The following TRAPPC9 variants were observed in gnomAD, a reference collection of about 807,000 sequenced individuals.
TRAPPC9 encodes trafficking protein particle complex subunit 9, also known as IKK2 binding protein.
In TRAPPC9, 83 loss-of-function variants were observed where a neutral mutation model predicts 124.0. The ratio of observed to expected loss-of-function variants is 0.67; its 90% CI spans 0.56 to 0.80. The LOEUF is 0.80. Ranked by LOEUF, TRAPPC9 falls within the 30% of genes least tolerant of loss-of-function variation. The pLI is 0.00. For synonymous variants in TRAPPC9, 638 were observed against 617.5 expected (o/e 1.03, Z -0.49); for missense variants, 1,302 against 1,508.3 (o/e 0.86, Z 2.27).
chr8:140,202,136 G>A (rs1362165483), intron 17 of TRAPPC9, among the ~76,000 whole-genome samples: 1 of 150,104 alleles, frequency 6.7e-6, no homozygotes, highest in Non-Finnish European at 1.5e-5. Flanking sequence ...CGGTTGTTTG[G>A]TGAGATAAAA....
At chr8:140,070,251 T>C (rs1843091971) in intron 17 of TRAPPC9, among the ~76,000 whole-genome samples, 1 of 152,214 alleles carries the variant, frequency 6.6e-6, no homozygotes, top group African/African-American at 2.4e-5. Flanking sequence ...TTTCTACTTT[T>C]GAATTATTTT....
chr8:140,026,345 A>G lies in TRAPPC9; in HGVS notation c.2557-2266T>C, dbSNP rs115739083. Among the ~76,000 whole-genome samples the G allele has an allele frequency of 1.0e-3, 152 of 152,246 alleles. 1 individual carries two copies. Among genetic ancestry groups the G allele is most frequent in the African/African-American group, 3.1e-3 (128 of 41,548 alleles). On this transcript the variant is annotated intron_variant, in intron 17 of 22. Coordinates refer to ENST00000438773, the MANE Select transcript of TRAPPC9 (RefSeq NM_001160372.4). ...CCCTGCTTTCGGTTCTTTGGGGTAT[A>G]TGCCCGGAAGTGGAATTTCTGAATC... is the stretch of plus-strand genomic sequence containing the variant.
intron 9 of TRAPPC9, among the ~76,000 whole-genome samples, chr8:140,323,680 A>G (rs2066659446): frequency 6.6e-6 from 1 of 152,166 alleles, no homozygotes; most frequent in Non-Finnish European, 1.5e-5. Context: ...CAGAAAAAAC[A>G]CTTTGAGTGT....
At chr8:140,024,982 G>A (rs1840050891) in intron 17 of TRAPPC9, among the ~76,000 whole-genome samples, 1 of 152,322 alleles carries the variant, frequency 6.6e-6, no homozygotes, top group East Asian at 1.9e-4. Context: ...GCAGGGTGCT[G>A]CACAGTGGGG....
At chr8:140,067,014 T>G (rs534754514) in intron 17 of TRAPPC9, among the ~76,000 whole-genome samples, 2 of 152,340 alleles carry the variant, frequency 1.3e-5, no homozygotes, top group East Asian at 3.9e-4. Context: ...GAGTCTTGAA[T>G]AGGGTAAACG....
At chr8:140,112,926 C>T (rs925877998) in intron 17 of TRAPPC9, among the ~76,000 whole-genome samples, 3 of 151,604 alleles carry the variant, frequency 2.0e-5, no homozygotes, top group Non-Finnish European at 4.4e-5. Context: ...CTGCAACCTC[C>T]GCCTCCTGGT....
intron 17 of TRAPPC9, among the ~76,000 whole-genome samples, chr8:140,100,873 G>A (rs1385277409): frequency 1.3e-5 from 2 of 152,220 alleles, no homozygotes; most frequent in Admixed American, 6.5e-5. Flanking sequence ...GGGTGGGTTC[G>A]GAGGCGTCAG....
At chr8:140,290,704 C>T (rs1392999513) in intron 12 of TRAPPC9, among the ~76,000 whole-genome samples, 2 of 152,134 alleles carry the variant, frequency 1.3e-5, no homozygotes, top group African/African-American at 2.4e-5. Context: ...ACACATCTCA[C>T]GTAAGCTTCG....
intron 17 of TRAPPC9, among the ~76,000 whole-genome samples, chr8:140,039,050 G>GATCCC (rs1317718952): frequency 6.6e-6 from 1 of 152,218 alleles, no homozygotes; most frequent in African/African-American, 2.4e-5. Flanking sequence ...TGATCTACAA[G>GATCCC]ATCCCATCCG....
intron 5 of TRAPPC9, among the ~76,000 whole-genome samples, chr8:140,422,095 C>A (rs1054994574): frequency 6.6e-6 from 1 of 151,388 alleles, no homozygotes; most frequent in African/African-American, 2.4e-5. Context: ...AGGATAAATC[C>A]TGGGTGCAAA....
chr8:139,999,937 C>T (rs930181623), intron 18 of TRAPPC9, among the ~76,000 whole-genome samples: 10 of 152,114 alleles, frequency 6.6e-5, no homozygotes, highest in African/African-American at 2.4e-4. Flanking sequence ...AAATCCATAT[C>T]ATTAAGTGAT....
At chr8:140,225,290 G>A (rs1406082983) in intron 16 of TRAPPC9, among the ~76,000 whole-genome samples, 1 of 152,086 alleles carries the variant, frequency 6.6e-6, no homozygotes, top group Non-Finnish European at 1.5e-5. Flanking sequence ...GTAACTAAAT[G>A]AATGAATAAA....
chr8:140,174,073 G>T (rs1006528785), intron 17 of TRAPPC9, among the ~76,000 whole-genome samples: 1 of 152,158 alleles, frequency 6.6e-6, no homozygotes, highest in African/African-American at 2.4e-5. Flanking sequence ...TAAAGGGCAA[G>T]AAGAAAAGTG....
intron 11 of TRAPPC9, among the ~76,000 whole-genome samples, chr8:140,297,962 C>T (rs752806886): frequency 6.6e-6 from 1 of 152,156 alleles, no homozygotes; most frequent in Non-Finnish European, 1.5e-5. Context: ...GAACAGGACA[C>T]GTGGTCTGTG....
chr8:140,342,033 G>C (rs370625283), intron 9 of TRAPPC9, among the ~76,000 whole-genome samples: 1 of 152,218 alleles, frequency 6.6e-6, no homozygotes, highest in Non-Finnish European at 1.5e-5. Flanking sequence ...AAGAAAGGGC[G>C]GATCTGGAAG....
chr8:140,198,148 T>G (rs1042635883), intron 17 of TRAPPC9, among the ~76,000 whole-genome samples: 1 of 152,214 alleles, frequency 6.6e-6, no homozygotes, highest in Non-Finnish European at 1.5e-5. Flanking sequence ...TCCATCTTGC[T>G]TCTAACCTCC....
rs143105984 is a variant in TRAPPC9 at position 140,417,150 on chromosome 8, C to T, written c.886+9465G>A. Among the ~76,000 whole-genome samples the T allele has an allele frequency of 8.1e-3, 1,226 of 152,248 alleles. 5 individuals carry two copies. The highest frequency in any genetic ancestry group is 0.027 in the Middle Eastern group (8 of 294). On this transcript the variant is annotated intron_variant, in intron 5 of 22. Transcript: ENST00000438773. ...AACCTAGACAATACCATTCAGGACA[C>T]AGGCATGGGCAAAGACTTCATAACT...
At chr8:139,976,326 A>C (rs919221584) in intron 19 of TRAPPC9, among the ~76,000 whole-genome samples, 2 of 152,200 alleles carry the variant, frequency 1.3e-5, no homozygotes, top group Non-Finnish European at 2.9e-5. Flanking sequence ...AAAACTATAA[A>C]ACTTCTAAAA....
chr8:140,225,396 C>G (rs1226195777), intron 16 of TRAPPC9, among the ~76,000 whole-genome samples: 1 of 152,184 alleles, frequency 6.6e-6, no homozygotes, highest in Non-Finnish European at 1.5e-5. Flanking sequence ...ATTCAACAAC[C>G]AACTCCTGGT....
Sources: gnomAD v4.1 joint callset for allele counts (sites outside exome capture counted in the v4.1 genomes callset) on GRCh38, gnomAD v4.1.1 for gene constraint, MANE v1.5 for transcripts, NCBI Gene and HGNC (gene_info 2026-07-23, HGNC 2026-07-21) for gene names.